The following ANKRD11 variants were observed in gnomAD, a reference collection of about 807,000 sequenced individuals.
ANKRD11 encodes the protein ankyrin repeat domain 11.
ANKRD11 carries 17 observed loss-of-function variants against 195.7 expected under a neutral mutation model. The observed-to-expected ratio is 0.09, with a 90% confidence interval of 0.06 to 0.13. The LOEUF is 0.13. Among genes scored for constraint, ANKRD11 ranks in the 10% least tolerant of loss-of-function variants. ANKRD11 has a pLI of 1.00. For missense variants in ANKRD11, 3,735 were observed against 3,566.1 expected (o/e 1.05, Z -1.21); for synonymous variants, 1,953 against 1,528.1 (o/e 1.28, Z -6.49).
intron 1 of ANKRD11, among the ~76,000 whole-genome samples, chr16:89,436,195 A>C (rs936962799): frequency 1.3e-5 from 2 of 152,138 alleles, no homozygotes; most frequent in African/African-American, 4.8e-5. Context: ...TGGGTGGATC[A>C]CCTGAGGTCA....
intron 1 of ANKRD11, among the ~76,000 whole-genome samples, chr16:89,471,393 T>C (rs1010160001): frequency 2.0e-5 from 3 of 152,082 alleles, no homozygotes; most frequent in African/African-American, 4.8e-5. Context: ...CTCATCAAGT[T>C]ACCCTGCAGC....
intron 1 of ANKRD11, among the ~76,000 whole-genome samples, chr16:89,463,755 T>C (rs1450914239): frequency 6.6e-6 from 1 of 152,066 alleles, no homozygotes; most frequent in Admixed American, 6.5e-5. Context: ...CAGCAAATTG[T>C]CTAGTTCACA....
At chr16:89,302,223 G>T (rs1014370156) in intron 4 of ANKRD11, among the ~76,000 whole-genome samples, 1 of 152,192 alleles carries the variant, frequency 6.6e-6, no homozygotes, top group Non-Finnish European at 1.5e-5. Flanking sequence ...CCCGGCCCAG[G>T]GTGGGGCTGA....
chr16:89,271,017 G>A (rs1252134247), intron 11 of ANKRD11, 108 bp from the exon 12 acceptor site: 2 of 1,004,642 alleles, frequency 2.0e-6, no homozygotes, highest in South Asian at 2.7e-5. Context: ...GACAACCACA[G>A]GGGGAGCCTC....
intron 1 of ANKRD11, among the ~76,000 whole-genome samples, chr16:89,436,087 T>G (rs1159130268): frequency 6.6e-6 from 1 of 151,984 alleles, no homozygotes; most frequent in African/African-American, 2.4e-5. Context: ...GATTCCCCAT[T>G]TGGGAAAGTA....
rs1336328645 is a variant in ANKRD11 at position 89,268,389 on chromosome 16, A to C, written c.*89T>G. ...GGGGTCTCTCCCCGCCCGGGTGGAC[A>C]GGGCGCTCCCTCCTCCGCCCCTGGG... On this transcript the variant is annotated 3_prime_UTR_variant, in exon 13 of 13. Transcript: ENST00000301030. 3.0e-5 allele frequency: 18 copies of C among 606,856 alleles called. No individual in the cohort carries two copies. The highest frequency in any genetic ancestry group is 4.0e-5 in the Non-Finnish European group (14 of 354,056). The allele number at this position is 606,856 out of a possible 1,614,324, so 37.6% of individuals were successfully genotyped here.
chr16:89,399,642 G>A (rs973646846), intron 2 of ANKRD11, among the ~76,000 whole-genome samples: 1 of 152,196 alleles, frequency 6.6e-6, no homozygotes, highest in Non-Finnish European at 1.5e-5. Flanking sequence ...GGTGGACCCT[G>A]AGGTCGTGCG....
At chr16:89,311,734 G>A (rs1253500140) in intron 3 of ANKRD11, among the ~76,000 whole-genome samples, 1 of 152,174 alleles carries the variant, frequency 6.6e-6, no homozygotes, top group Non-Finnish European at 1.5e-5. Context: ...CCTCTATCTT[G>A]GGAGTTGGGC....
At chr16:89,442,793 T>A (rs1026148440) in intron 1 of ANKRD11, among the ~76,000 whole-genome samples, 3 of 152,052 alleles carry the variant, frequency 2.0e-5, no homozygotes, top group Admixed American at 2.0e-4. Context: ...TGTGCCCTAT[T>A]CTCACTCCAA....
intron 1 of ANKRD11, among the ~76,000 whole-genome samples, chr16:89,428,252 ACG>A (rs2042805129): frequency 1.3e-5 from 2 of 151,350 alleles, no homozygotes; most frequent in Middle Eastern, 3.5e-3. Context: ...TTGGCCGGGC[ACG>A]GTGGTTCACG....
chr16:89,410,017 T>A (rs2042053246), intron 2 of ANKRD11, among the ~76,000 whole-genome samples: 2 of 152,104 alleles, frequency 1.3e-5, no homozygotes, highest in Admixed American at 6.5e-5. Flanking sequence ...TTTTTTGTAT[T>A]TTTAGTAGAG....
intron 1 of ANKRD11, among the ~76,000 whole-genome samples, chr16:89,480,419 G>A (rs1267382472): frequency 6.6e-6 from 1 of 151,504 alleles, no homozygotes; most frequent in Non-Finnish European, 1.5e-5. Context: ...GGAGGTTGCA[G>A]TGAGCCGAGA....
intron 1 of ANKRD11, among the ~76,000 whole-genome samples, chr16:89,427,640 T>C (rs576196132): frequency 7.9e-4 from 120 of 151,624 alleles, no homozygotes; most frequent in African/African-American, 2.8e-3. Context: ...CTACAATAAA[T>C]ACAAAAAAAT....
chr16:89,350,042 C>T (rs1420999037), intron 2 of ANKRD11, among the ~76,000 whole-genome samples: 1 of 152,056 alleles, frequency 6.6e-6, no homozygotes, highest in Non-Finnish European at 1.5e-5. Context: ...ACATGCTTCA[C>T]CAAAGCAAAT....
At chr16:89,304,130 C>G (rs2036015080) in intron 4 of ANKRD11, among the ~76,000 whole-genome samples, 1 of 152,170 alleles carries the variant, frequency 6.6e-6, no homozygotes, top group South Asian at 2.1e-4. Flanking sequence ...ACAAGAATCA[C>G]CAAAGAGCAA....
At chr16:89,488,440 G>GC (rs145630401) in intron 1 of ANKRD11, among the ~76,000 whole-genome samples, 13,336 of 144,746 alleles carry the variant, frequency 0.092, 848 homozygotes, top group East Asian at 0.26. Context: ...CAAGACATCC[G>GC]CCCCCCCCCC....
At chr16:89,399,402 C>T (rs537847217) in intron 2 of ANKRD11, among the ~76,000 whole-genome samples, 1 of 152,200 alleles carries the variant, frequency 6.6e-6, no homozygotes, top group East Asian at 1.9e-4. Flanking sequence ...GAAAGCAGCC[C>T]GTCTCCAAGG....
intron 2 of ANKRD11, among the ~76,000 whole-genome samples, chr16:89,366,675 G>C (rs1238874690): frequency 2.0e-5 from 3 of 152,186 alleles, no homozygotes; most frequent in Non-Finnish European, 2.9e-5. Context: ...AGGGTGCTGA[G>C]ACATGTCTAG....
intron 2 of ANKRD11, among the ~76,000 whole-genome samples, chr16:89,370,017 C>A (rs2040124724): frequency 6.6e-6 from 1 of 152,198 alleles, no homozygotes. Flanking sequence ...TCAGGAAGAG[C>A]CAGGCCAAGA....
Sources: gnomAD v4.1 joint callset for allele counts (sites outside exome capture counted in the v4.1 genomes callset) on GRCh38, gnomAD v4.1.1 for gene constraint, MANE v1.5 for transcripts, NCBI Gene and HGNC (gene_info 2026-07-23, HGNC 2026-07-21) for gene names.